The following VSTM2L variants were observed in gnomAD, a reference collection of about 807,000 sequenced individuals.
The protein encoded by VSTM2L is V-set and transmembrane domain containing 2 like, also known as V-set and transmembrane domain-containing protein 2-like protein.
In VSTM2L, 9 loss-of-function variants were observed where a neutral mutation model predicts 19.9. The observed-to-expected ratio is 0.45, with a 90% confidence interval of 0.27 to 0.79. The LOEUF is 0.79. Among genes scored for constraint, VSTM2L ranks in the 30% least tolerant of loss-of-function variants. VSTM2L has a pLI of 0.15. For synonymous variants in VSTM2L, 127 were observed against 133.8 expected (o/e 0.95, Z 0.35); for missense variants, 286 against 295.5 (o/e 0.97, Z 0.24).
chr20:37,911,186 C>T (rs1344012887), intron 1 of VSTM2L, among the ~76,000 whole-genome samples: 1 of 129,748 alleles, frequency 7.7e-6, no homozygotes, highest in African/African-American at 3.0e-5. Context: ...CAGAGAATTG[C>T]TTGAATCCAG....
In VSTM2L at chr20:37,944,673, T is replaced by C. The variant is rs1237592774; in HGVS notation, c.*420T>C. ...ACCATCCCTCACTTGGACCTGGGGGTGTGGACAGTGACCCCTCCCTGAATA... is the reference window on the plus strand; with the variant it reads ...ACCATCCCTCACTTGGACCTGGGGGCGTGGACAGTGACCCCTCCCTGAATA... On this transcript the variant is annotated 3_prime_UTR_variant, in exon 4 of 4. Coordinates refer to ENST00000373461, the MANE Select transcript of VSTM2L (RefSeq NM_080607.3). 2.2e-5 allele frequency: 22 copies of C among 1,001,094 alleles called. No homozygotes were observed. The highest frequency in any genetic ancestry group is 2.5e-5 in the Non-Finnish European group (21 of 841,312). 62.0% of individuals were successfully genotyped at this position (1,001,094 alleles called of 1,614,324 possible).
At position 37,944,190 on chromosome 20, in the gene VSTM2L, G is replaced by T; in HGVS notation, c.552G>T (p.Pro184=). The change falls in exon 4 of 4, where the codon CCG becomes CCT. Residue 184 remains proline (P), a synonymous_variant. Coordinates refer to ENST00000373461, the MANE Select transcript of VSTM2L (RefSeq NM_080607.3). ...PEAPPAAPAP[P]PPKPGKELRK... is the part of the protein sequence containing the mutation. Reference sequence around the variant, plus strand: ...CCCCTCCCGCCGCGCCCGCCCCGCCGCCCCCCAAGCCAGGCAAGGAGCTGA... The same window carrying T: ...CCCCTCCCGCCGCGCCCGCCCCGCCTCCCCCCAAGCCAGGCAAGGAGCTGA... 1 of 1,029,716 alleles carries T rather than the reference G, an allele frequency of 9.7e-7. No individual in the cohort carries two copies. The allele number at this position is 1,029,716 out of a possible 1,614,324, so 63.8% of individuals were successfully genotyped here. A position where few individuals can be genotyped will look rare whatever the true frequency, so the allele number is the denominator to read the frequency against.
chr20:37,927,050 C>T (rs1012285779), intron 1 of VSTM2L, among the ~76,000 whole-genome samples: 1 of 152,250 alleles, frequency 6.6e-6, no homozygotes, highest in Admixed American at 6.5e-5. Flanking sequence ...ACTGCGCCTC[C>T]TCCTCCCGGG....
At chr20:37,917,611 A>G (rs2072826549) in intron 1 of VSTM2L, among the ~76,000 whole-genome samples, 1 of 152,236 alleles carries the variant, frequency 6.6e-6, no homozygotes, top group South Asian at 2.1e-4. Flanking sequence ...AGCTTGCACA[A>G]TGCCACCCAG....
At chr20:37,926,290 G>T (rs1181099118) in intron 1 of VSTM2L, among the ~76,000 whole-genome samples, 1 of 152,228 alleles carries the variant, frequency 6.6e-6, no homozygotes, top group Non-Finnish European at 1.5e-5. Flanking sequence ...TTGAACTCCT[G>T]ACCTCAAGTG....
At chr20:37,921,902 G>T (rs2072854138) in intron 1 of VSTM2L, among the ~76,000 whole-genome samples, 1 of 144,204 alleles carries the variant, frequency 6.9e-6, no homozygotes, top group Non-Finnish European at 1.5e-5. Flanking sequence ...GAGTGCAGTG[G>T]CGTGATCATA....
intron 1 of VSTM2L, among the ~76,000 whole-genome samples, chr20:37,910,918 TAAAAAA>T (rs527960204): frequency 7.4e-6 from 1 of 135,226 alleles, no homozygotes; most frequent in African/African-American, 2.7e-5. Flanking sequence ...CCCTGTCTCT[TAAAAAA>T]AAAAAAAAGA....
At chr20:37,932,172 C>T (rs931139288) in intron 2 of VSTM2L, among the ~76,000 whole-genome samples, 3 of 152,198 alleles carry the variant, frequency 2.0e-5, no homozygotes, top group Non-Finnish European at 4.4e-5. Flanking sequence ...ACCACTTCTC[C>T]GGGCCACACG....
intron 3 of VSTM2L, among the ~76,000 whole-genome samples, chr20:37,939,299 A>G (rs1334306882): frequency 6.6e-6 from 1 of 151,862 alleles, no homozygotes; most frequent in Non-Finnish European, 1.5e-5. Context: ...ACAGCTACTC[A>G]GGAGGTCGGA....
At chr20:37,937,018 C>T (rs571071444) in intron 3 of VSTM2L, among the ~76,000 whole-genome samples, 6 of 151,888 alleles carry the variant, frequency 4.0e-5, no homozygotes, top group African/African-American at 7.3e-5. Flanking sequence ...GTCAGGAGTT[C>T]GTGACAAGCC....
chr20:37,930,305 C>G (rs1399539577), intron 1 of VSTM2L, among the ~76,000 whole-genome samples: 1 of 152,136 alleles, frequency 6.6e-6, no homozygotes, highest in South Asian at 2.1e-4. Flanking sequence ...AGAGCAGGGG[C>G]CTGAATCTAG....
At chr20:37,916,913 G>A (rs2072821761) in intron 1 of VSTM2L, among the ~76,000 whole-genome samples, 1 of 152,194 alleles carries the variant, frequency 6.6e-6, no homozygotes. Flanking sequence ...CAGGGGTTAG[G>A]GGAGAGTGGG....
At chr20:37,912,769 G>A (rs73908015) in intron 1 of VSTM2L, among the ~76,000 whole-genome samples, 3,272 of 152,190 alleles carry the variant, frequency 0.021, 116 homozygotes, top group African/African-American at 0.074. Flanking sequence ...GTGCCCACCC[G>A]TACCTGGGAA....
At chr20:37,942,048 C>T (rs893010142) in intron 3 of VSTM2L, among the ~76,000 whole-genome samples, 1 of 152,220 alleles carries the variant, frequency 6.6e-6, no homozygotes, top group South Asian at 2.1e-4. Flanking sequence ...ATTGAAAAAA[C>T]ACCCACAGCA....
At chr20:37,903,498 C>A in intron 1 of VSTM2L, 27 bp downstream of exon 1, 1 of 1,460,046 alleles carries the variant, frequency 6.8e-7, no homozygotes, top group Non-Finnish European at 9.0e-7. Flanking sequence ...CCCCCGCGGA[C>A]TTCCCCACCA....
At chr20:37,932,608 A>T (rs1258192442) in intron 2 of VSTM2L, among the ~76,000 whole-genome samples, 1 of 152,220 alleles carries the variant, frequency 6.6e-6, no homozygotes, top group East Asian at 1.9e-4. Flanking sequence ...CGAAGCTCCA[A>T]TTGCCTACTG....
chr20:37,903,942 T>TGC (rs752608020), intron 1 of VSTM2L, among the ~76,000 whole-genome samples: 5 of 151,930 alleles, frequency 3.3e-5, no homozygotes, highest in Admixed American at 1.3e-4. Flanking sequence ...GACACACTGG[T>TGC]GCGCGCGCGC....
intron 1 of VSTM2L, among the ~76,000 whole-genome samples, chr20:37,931,275 C>T (rs1353158136): frequency 3.3e-5 from 5 of 152,174 alleles, no homozygotes; most frequent in Non-Finnish European, 7.4e-5. Flanking sequence ...CCTGGAAGAG[C>T]TGATGGAAGC....
At chr20:37,912,497 CTG>C (rs1176067684) in intron 1 of VSTM2L, among the ~76,000 whole-genome samples, 1 of 152,158 alleles carries the variant, frequency 6.6e-6, no homozygotes, top group African/African-American at 2.4e-5. Context: ...TTCTGTCTGA[CTG>C]TGTGGGTGCG....
Sources: gnomAD v4.1 joint callset for allele counts (sites outside exome capture counted in the v4.1 genomes callset) on GRCh38, gnomAD v4.1.1 for gene constraint, MANE v1.5 for transcripts, NCBI Gene and HGNC (gene_info 2026-07-23, HGNC 2026-07-21) for gene names.